The following EXOC4 variants were observed in gnomAD, a reference collection of about 807,000 sequenced individuals.
The protein encoded by EXOC4 is SEC8-like 1.
EXOC4 carries 71 observed loss-of-function variants against 107.2 expected under a neutral mutation model. That is an observed-to-expected ratio of 0.66 (90% CI 0.55 to 0.81). EXOC4 has a LOEUF of 0.81. Among genes scored for constraint, EXOC4 ranks in the 30% least tolerant of loss-of-function variants. The probability of loss-of-function intolerance (pLI) is 0.00; values close to 1 mark genes in which losing one functional copy is unlikely to be tolerated. For synonymous variants in EXOC4, 456 were observed against 441.2 expected, an observed-to-expected ratio of 1.03 and a Z score of -0.42; for missense variants, 1,108 against 1,189.6, an observed-to-expected ratio of 0.93 and a Z score of 1.01.
At chr7:134,008,055 G>C (rs1794683315) in intron 17 of EXOC4, 1 of 458,100 alleles carries the variant, frequency 2.2e-6, no homozygotes, top group African/African-American at 2.0e-5. Context: ...TCTAACCCAA[G>C]TTCTTCTTAA....
chr7:134,026,443 G>A (rs758958485), intron 17 of EXOC4, among the ~76,000 whole-genome samples: 43 of 151,340 alleles, frequency 2.8e-4, no homozygotes, highest in Non-Finnish European at 5.6e-4. Flanking sequence ...TGCACCTGTG[G>A]TGAAAAGTTG....
chr7:133,697,116 G>A (rs1462931237), intron 10 of EXOC4, among the ~76,000 whole-genome samples: 1 of 152,070 alleles, frequency 6.6e-6, no homozygotes, highest in Non-Finnish European at 1.5e-5. Context: ...CCTGGGAAGT[G>A]TTTGTTTGTT....
chr7:133,759,547 GA>G (rs1324774785), intron 10 of EXOC4, among the ~76,000 whole-genome samples: 2 of 152,158 alleles, frequency 1.3e-5, no homozygotes, highest in Non-Finnish European at 2.9e-5. Context: ...TGGCTTAATA[GA>G]TTTACATAAC....
intron 11 of EXOC4, among the ~76,000 whole-genome samples, chr7:133,888,011 AG>A (rs1799123989): frequency 6.6e-6 from 1 of 152,168 alleles, no homozygotes; most frequent in African/African-American, 2.4e-5. Flanking sequence ...GGGATTCTAT[AG>A]AGACTGTAAT....
chr7:133,262,135 T>A (rs542493550), intron 1 of EXOC4, among the ~76,000 whole-genome samples: 4 of 152,206 alleles, frequency 2.6e-5, no homozygotes, highest in African/African-American at 4.8e-5. Context: ...CTTCTTATTT[T>A]AAAAAAAATC....
chr7:133,536,260 C>T (rs980539651), intron 9 of EXOC4, among the ~76,000 whole-genome samples: 1 of 152,110 alleles, frequency 6.6e-6, no homozygotes, highest in Admixed American at 6.6e-5. Flanking sequence ...TTACAATTCT[C>T]CTTTATTTGC....
intron 11 of EXOC4, among the ~76,000 whole-genome samples, chr7:133,874,868 G>C (rs1039805628): frequency 5.9e-5 from 9 of 152,196 alleles, no homozygotes; most frequent in African/African-American, 2.2e-4. Flanking sequence ...GCTAGCAAAA[G>C]GAATAGTAAA....
intron 9 of EXOC4, among the ~76,000 whole-genome samples, chr7:133,524,581 A>G (rs62469982): frequency 1.4e-4 from 20 of 147,962 alleles, no homozygotes; most frequent in Non-Finnish European, 2.4e-4. Context: ...TAGGTCTAAC[A>G]TTTAAGTCTT....
intron 10 of EXOC4, among the ~76,000 whole-genome samples, chr7:133,645,424 C>CGAGA (rs1562889516): frequency 7.9e-5 from 12 of 151,950 alleles, no homozygotes; most frequent in African/African-American, 2.9e-4. Flanking sequence ...CCTCTTCTCT[C>CGAGA]AGTGGTCCCT....
At chr7:133,665,481 G>GAT (rs1041819489) in intron 10 of EXOC4, among the ~76,000 whole-genome samples, 1 of 152,052 alleles carries the variant, frequency 6.6e-6, no homozygotes, top group African/African-American at 2.4e-5. Context: ...AGGTAATTGG[G>GAT]ATATATATAC....
chr7:133,262,796 A>G (rs1795183278), intron 1 of EXOC4, among the ~76,000 whole-genome samples: 1 of 152,176 alleles, frequency 6.6e-6, no homozygotes, highest in Non-Finnish European at 1.5e-5. Flanking sequence ...TGTTCTCAAC[A>G]TATAGAAATG....
At chr7:133,881,637 C>G (rs1376726604) in intron 11 of EXOC4, among the ~76,000 whole-genome samples, 1 of 152,064 alleles carries the variant, frequency 6.6e-6, no homozygotes, top group East Asian at 1.9e-4. Context: ...TCTTATCTGG[C>G]TTTGTATCTC....
chr7:133,359,482 T>C (rs1271645379), intron 6 of EXOC4, among the ~76,000 whole-genome samples: 3 of 152,166 alleles, frequency 2.0e-5, no homozygotes, highest in Non-Finnish European at 4.4e-5. Context: ...TGGCTAAAGA[T>C]ATATGAATTT....
At chr7:133,640,617 A>C (rs1022092109) in intron 10 of EXOC4, among the ~76,000 whole-genome samples, 1 of 152,180 alleles carries the variant, frequency 6.6e-6, no homozygotes, top group Non-Finnish European at 1.5e-5. Flanking sequence ...GTGAGCCAGC[A>C]TAGCTGGAAG....
chr7:134,029,313 A>C (rs1563097245), intron 17 of EXOC4, among the ~76,000 whole-genome samples: 1 of 152,188 alleles, frequency 6.6e-6, no homozygotes, highest in Non-Finnish European at 1.5e-5. Context: ...CATTGTGCTA[A>C]ATGAAAGAAG....
intron 7 of EXOC4, among the ~76,000 whole-genome samples, chr7:133,440,601 A>T (rs567787309): frequency 6.6e-5 from 10 of 152,334 alleles, no homozygotes; most frequent in Admixed American, 1.3e-4. Flanking sequence ...GATACAGGTC[A>T]TAAAGACCTT....
At chr7:134,089,215 C>G in the EXOC4 span, among the ~76,000 whole-genome samples, 1 of 152,222 alleles carries the variant, frequency 6.6e-6, no homozygotes, top group East Asian at 1.9e-4. Context: ...ACAAACCTTC[C>G]ACAACTTGCT....
intron 7 of EXOC4, among the ~76,000 whole-genome samples, chr7:133,462,320 T>A (rs972420): frequency 2.0e-5 from 3 of 151,894 alleles, no homozygotes; most frequent in East Asian, 3.9e-4. Context: ...GATATTGACC[T>A]TTAGCTAGAA....
intron 10 of EXOC4, among the ~76,000 whole-genome samples, chr7:133,761,361 G>A (rs1562986755): frequency 6.6e-6 from 1 of 152,078 alleles, no homozygotes; most frequent in Non-Finnish European, 1.5e-5. Flanking sequence ...TACCATATGT[G>A]AGAGTTTAAG....
Sources: gnomAD v4.1 joint callset for allele counts (sites outside exome capture counted in the v4.1 genomes callset) on GRCh38, gnomAD v4.1.1 for gene constraint, MANE v1.5 for transcripts, NCBI Gene and HGNC (gene_info 2026-07-23, HGNC 2026-07-21) for gene names.